Variants in CGGBP1 observed in about 807,000 individuals in gnomAD.
CGGBP1 encodes the protein CGG triplet repeat-binding protein 1.
A neutral mutation model predicts 11.4 loss-of-function variants in CGGBP1; 4 were observed. The ratio of observed to expected loss-of-function variants is 0.35; its 90% CI spans 0.17 to 0.80. CGGBP1 has a LOEUF of 0.80. CGGBP1 is among the 30% of genes least tolerant of loss of function. The pLI is 0.52. For missense variants in CGGBP1, 135 were observed against 202.1 expected (o/e 0.67, Z 2.01); for synonymous variants, 76 against 74.1 (o/e 1.03, Z -0.13).
chr3:88,119,366 C>T (rs1306828582), intron 2 of CGGBP1, among the ~76,000 whole-genome samples: 4 of 76,474 alleles, frequency 5.2e-5, no homozygotes, highest in African/African-American at 1.9e-4. Flanking sequence ...AGGGGAACAT[C>T]ACACTCTGGG....
At chr3:88,057,969 TG>T (rs1462562481) in intron 2 of CGGBP1, 49 bp downstream of exon 2, 3 of 152,254 alleles carry the variant, frequency 2.0e-5, no homozygotes, top group African/African-American at 7.2e-5. Flanking sequence ...GCATATCGTT[TG>T]CTAGATCAAA....
Position 88,055,204 on chromosome 3 carries a change from A to T in CGGBP1, c.*269T>A, listed in dbSNP as rs1706514510. The T allele has an allele frequency of 3.4e-6, 1 of 295,892 alleles. No individual in the cohort carries two copies. The highest frequency in any genetic ancestry group is 6.2e-6 in the Non-Finnish European group (1 of 161,086). The allele number at this position is 295,892 out of a possible 1,614,324, so 18.3% of individuals were successfully genotyped here. A position where few individuals can be genotyped will look rare whatever the true frequency, so the allele number is the denominator to read the frequency against. On this transcript the variant is annotated 3_prime_UTR_variant, in exon 4 of 4. Transcript: ENST00000482016. The surrounding 1 kb of genome is among the most constrained non-coding windows in gnomAD (Gnocchi z 4.2). ...CTTCCATGCACAAACATTTCAGGAG[A>T]AAAACCATTAATTTTAAAGATAACC...
At chr3:88,128,785 G>C in intron 2 of CGGBP1, 4 of 1,466,688 alleles carry the variant, frequency 2.7e-6, no homozygotes, top group Non-Finnish European at 3.7e-6. Flanking sequence ...GAGAGTAATA[G>C]AGTCTGTTTT....
chr3:88,118,144 G>A (rs1216236368), intron 2 of CGGBP1, among the ~76,000 whole-genome samples: 1 of 152,158 alleles, frequency 6.6e-6, no homozygotes, highest in East Asian at 1.9e-4. Context: ...CCTGACGTTA[G>A]AGAAAAGTCT....
intron 2 of CGGBP1, among the ~76,000 whole-genome samples, chr3:88,124,953 C>T (rs1444095788): frequency 1.3e-5 from 2 of 152,018 alleles, no homozygotes; most frequent in African/African-American, 4.8e-5. Flanking sequence ...CGGTGGCTCA[C>T]GCCTGTAATC....
In CGGBP1 at chr3:88,129,953, A is replaced by G. The variant is rs1210045860; in HGVS notation, c.-229+11017T>C. ...ACTTTTAAAAAAAAATTGATTGTGC[A>G]AGGAACAATAGTAGATTCTAAGAAC... On this transcript the variant is annotated intron_variant, in intron 2 of 3. Transcript: ENST00000462901. 5.1e-6 allele frequency: 4 copies of G among 784,324 alleles called. No individual in the cohort carries two copies. The African/African-American group carries it at 6.9e-5, about 14-fold the overall frequency. 48.6% of individuals were successfully genotyped at this position (784,324 alleles called of 1,614,324 possible).
chr3:88,097,296 T>A (rs1197935148), intron 2 of CGGBP1, among the ~76,000 whole-genome samples: 1 of 152,092 alleles, frequency 6.6e-6, no homozygotes, highest in East Asian at 1.9e-4. Flanking sequence ...TCTGTAAAGG[T>A]TGAACCAATT....
At chr3:88,138,000 T>C (rs1029937808) in intron 2 of CGGBP1, among the ~76,000 whole-genome samples, 24 of 152,226 alleles carry the variant, frequency 1.6e-4, no homozygotes, top group Non-Finnish European at 2.4e-4. Flanking sequence ...ATAACTAAGA[T>C]GGGTCGACAA....
Position 88,055,428 on chromosome 3 carries a change from T to C in CGGBP1, c.*45A>G. The C allele has an allele frequency of 6.8e-7, 1 of 1,463,756 alleles. No homozygotes were observed. The highest frequency in any genetic ancestry group is 9.1e-7 in the Non-Finnish European group (1 of 1,093,342). The allele number at this position is 1,463,756 out of a possible 1,614,324, so 90.7% of individuals were successfully genotyped here. A position where few individuals can be genotyped will look rare whatever the true frequency, so the allele number is the denominator to read the frequency against. ...GAACCACACAATCAACACATAACTT[T>C]AATACTCCACATTTATCTTGATCAC... On this transcript the variant is annotated 3_prime_UTR_variant, in exon 4 of 4. Coordinates refer to ENST00000482016, the MANE Select transcript of CGGBP1 (RefSeq NM_001008390.2). This position sits in a 1 kb window ranked among gnomAD's most constrained non-coding sequence, Gnocchi z 4.2.
At chr3:88,089,887 T>C (rs1388542410) in intron 2 of CGGBP1, among the ~76,000 whole-genome samples, 2 of 152,184 alleles carry the variant, frequency 1.3e-5, no homozygotes, top group African/African-American at 4.8e-5. Context: ...ATGTTTCATA[T>C]GAGATGGTGG....
At position 88,088,367 on chromosome 3, in the gene CGGBP1, AGT is replaced by A. The variant is rs773719173; in HGVS notation, c.-228-30146_-228-30145del. 2.2e-4 allele frequency among the ~76,000 whole-genome samples: 34 copies of A among 152,232 alleles called. 1 individual carries two copies. The highest frequency in any genetic ancestry group is 4.4e-4 in the Non-Finnish European group (30 of 68,034). On this transcript the variant is annotated intron_variant, in intron 2 of 3. Coordinates refer to the CGGBP1 transcript ENST00000462901. ...AAAGTGAAAAATAATTTTGAAAGAA[AGT>A]GTTAATGTTGAAAATAAAAATGAAA...
chr3:88,135,636 A>G (rs1037138415), intron 2 of CGGBP1: 3 of 152,376 alleles, frequency 2.0e-5, no homozygotes, highest in Non-Finnish European at 4.4e-5. Flanking sequence ...ACTTAAGGAC[A>G]AAGTTTTTAA....
chr3:88,060,567 A>C (rs1290630404), upstream of CGGBP1, among the ~76,000 whole-genome samples: 1 of 152,176 alleles, frequency 6.6e-6, no homozygotes, highest in African/African-American at 2.4e-5. Flanking sequence ...TTCTGGCTCC[A>C]CCATCTCCTG....
chr3:88,147,435 T>C (rs528757778), intron 1 of CGGBP1, among the ~76,000 whole-genome samples: 1 of 152,168 alleles, frequency 6.6e-6, no homozygotes, highest in East Asian at 1.9e-4. Flanking sequence ...CTATGGCAAG[T>C]TGAAGGAGCA....
intron 2 of CGGBP1, chr3:88,128,690 A>G (rs1706267914): frequency 1.5e-6 from 1 of 661,922 alleles, no homozygotes; most frequent in Non-Finnish European, 2.4e-6. Context: ...ACTAAGGAAA[A>G]TGCTATTTAA....
At chr3:88,102,817 CT>C (rs10701359) in intron 2 of CGGBP1, among the ~76,000 whole-genome samples, 15,541 of 106,244 alleles carry the variant, frequency 0.15, 963 homozygotes, top group Middle Eastern at 0.19. Context: ...CCTCTACTGT[CT>C]TTTTTTTTTT....
intron 2 of CGGBP1, among the ~76,000 whole-genome samples, chr3:88,103,032 G>A (rs1704523618): frequency 6.6e-6 from 1 of 151,972 alleles, no homozygotes; most frequent in African/African-American, 2.4e-5. Context: ...TTATGTCCAT[G>A]AGTATGAAAT....
intron 2 of CGGBP1, chr3:88,140,434 C>T (rs766548301): frequency 8.4e-5 from 136 of 1,613,404 alleles, no homozygotes; most frequent in Non-Finnish European, 1.1e-4. Flanking sequence ...AAAGAGTCTA[C>T]AGAACCAAAG....
intron 2 of CGGBP1, among the ~76,000 whole-genome samples, chr3:88,071,497 T>C (rs576274070): frequency 6.6e-6 from 1 of 152,214 alleles, no homozygotes; most frequent in African/African-American, 2.4e-5. Flanking sequence ...ACAAAAAAAT[T>C]TGGCTGGGCG....
Sources: gnomAD v4.1 joint callset for allele counts (sites outside exome capture counted in the v4.1 genomes callset) on GRCh38, gnomAD v4.1.1 for gene constraint, Gnocchi (gnomAD v3.1) non-coding constraint, MANE v1.5 for transcripts, NCBI Gene and HGNC (gene_info 2026-07-23, HGNC 2026-07-21) for gene names.